The following ADK variants were observed in gnomAD, a reference collection of about 807,000 sequenced individuals.
ADK encodes the protein N6,N6-dimethyladenosine kinase.
Under a neutral mutation model 44.7 loss-of-function variants are expected in ADK, and 24 were observed. That is an observed-to-expected ratio of 0.54 (90% CI 0.39 to 0.76). ADK has a LOEUF of 0.76. ADK is among the 30% of genes least tolerant of loss of function. The pLI, the probability that ADK is intolerant of heterozygous loss-of-function variation, is 0.00. For missense variants in ADK, 321 were observed against 425.1 expected (o/e 0.76, Z 2.15); for synonymous variants, 128 against 142.6 (o/e 0.90, Z 0.73).
At chr10:74,160,371 G>T (rs1042783503) in intron 1 of ADK, among the ~76,000 whole-genome samples, 1 of 152,236 alleles carries the variant, frequency 6.6e-6, no homozygotes, top group East Asian at 1.9e-4. Context: ...TATGACCACA[G>T]AACTGCTTCT....
At chr10:74,608,547 A>G (rs1345232931) in intron 9 of ADK, among the ~76,000 whole-genome samples, 3 of 152,100 alleles carry the variant, frequency 2.0e-5, no homozygotes, top group African/African-American at 4.8e-5. Flanking sequence ...TTGCCTGGGT[A>G]TCACCAGCAG....
At chr10:74,212,261 A>G (rs964608761) in intron 2 of ADK, among the ~76,000 whole-genome samples, 6 of 152,224 alleles carry the variant, frequency 3.9e-5, no homozygotes, top group African/African-American at 1.4e-4. Context: ...AGGAAATGGT[A>G]CTTCTAAGGA....
At chr10:74,507,569 C>A (rs1045677383) in intron 6 of ADK, among the ~76,000 whole-genome samples, 2 of 151,792 alleles carry the variant, frequency 1.3e-5, no homozygotes, top group African/African-American at 4.8e-5. Flanking sequence ...GAGCCGAGAT[C>A]GTGCCACTCC....
intron 6 of ADK, among the ~76,000 whole-genome samples, chr10:74,510,638 G>A (rs939381072): frequency 6.6e-6 from 1 of 152,096 alleles, no homozygotes; most frequent in Non-Finnish European, 1.5e-5. Context: ...TATTTTTCCA[G>A]ATCAATGTCC....
At chr10:74,679,904 G>A (rs1855538895) in intron 10 of ADK, among the ~76,000 whole-genome samples, 1 of 152,112 alleles carries the variant, frequency 6.6e-6, no homozygotes, top group Non-Finnish European at 1.5e-5. Flanking sequence ...GTTGCAGTGA[G>A]CTGGGATGGC....
At chr10:74,601,190 A>G (rs1852105997) in intron 9 of ADK, among the ~76,000 whole-genome samples, 1 of 152,216 alleles carries the variant, frequency 6.6e-6, no homozygotes, top group Admixed American at 6.5e-5. Context: ...TAATATTCAT[A>G]AAATATAAGT....
At chr10:74,580,324 C>G (rs1851331090) in intron 7 of ADK, among the ~76,000 whole-genome samples, 1 of 151,932 alleles carries the variant, frequency 6.6e-6, no homozygotes, top group Non-Finnish European at 1.5e-5. Flanking sequence ...ACCTGTAATC[C>G]CAGCATTTTG....
intron 7 of ADK, among the ~76,000 whole-genome samples, chr10:74,587,642 A>C (rs765549528): frequency 5.9e-5 from 9 of 152,096 alleles, no homozygotes; most frequent in Admixed American, 1.3e-4. Flanking sequence ...CTCACTACTC[A>C]GGCTCAAATC....
At chr10:74,472,341 G>A (rs1280166511) in intron 6 of ADK, among the ~76,000 whole-genome samples, 1 of 152,056 alleles carries the variant, frequency 6.6e-6, no homozygotes, top group Admixed American at 6.6e-5. Context: ...GATTTCCTCT[G>A]TGCCTTTTTT....
intron 4 of ADK, chr10:74,372,022 G>A (rs1842676245): frequency 3.9e-6 from 3 of 773,402 alleles, no homozygotes; most frequent in African/African-American, 3.4e-5. Flanking sequence ...GCCATTCTAT[G>A]CAACAATAAG....
chr10:74,544,603 A>G (rs1399557666), intron 7 of ADK, among the ~76,000 whole-genome samples: 1 of 152,180 alleles, frequency 6.6e-6, no homozygotes. Context: ...AAGGTTGGCC[A>G]CGGTGGCTCA....
intron 6 of ADK, among the ~76,000 whole-genome samples, chr10:74,481,653 A>G (rs979622601): frequency 3.9e-5 from 6 of 152,198 alleles, no homozygotes; most frequent in Non-Finnish European, 5.9e-5. Context: ...CCATTACTAT[A>G]TATTTCTGTT....
chr10:74,173,078 A>G (rs2132059236), intron 1 of ADK, among the ~76,000 whole-genome samples: 1 of 151,946 alleles, frequency 6.6e-6, no homozygotes, highest in Admixed American at 6.5e-5. Context: ...CTGTTTTGGT[A>G]TCAAAATTAG....
chr10:74,543,400 T>C (rs912929590), intron 7 of ADK, among the ~76,000 whole-genome samples: 3 of 152,182 alleles, frequency 2.0e-5, no homozygotes, highest in Non-Finnish European at 4.4e-5. Context: ...TACCATATTT[T>C]ACCCAGTCAC....
intron 9 of ADK, among the ~76,000 whole-genome samples, chr10:74,603,377 AGG>A (rs1852211024): frequency 6.6e-6 from 1 of 152,032 alleles, no homozygotes; most frequent in African/African-American, 2.4e-5. Context: ...CATCTACATT[AGG>A]CATTTCTCCT....
At chr10:74,178,645 G>T (rs1035663495) in intron 1 of ADK, among the ~76,000 whole-genome samples, 1 of 152,140 alleles carries the variant, frequency 6.6e-6, no homozygotes, top group Non-Finnish European at 1.5e-5. Context: ...TACTGTAGGG[G>T]TTGATAGTTT....
chr10:74,656,514 T>G (rs192217727), intron 9 of ADK, among the ~76,000 whole-genome samples: 1 of 152,278 alleles, frequency 6.6e-6, no homozygotes, highest in East Asian at 1.9e-4. Context: ...ACTGCAGCTT[T>G]TGCTGGTGCT....
chr10:74,633,597 G>T (rs1404981858), intron 9 of ADK, among the ~76,000 whole-genome samples: 2 of 152,284 alleles, frequency 1.3e-5, no homozygotes, highest in East Asian at 1.9e-4. Context: ...AGACCCAAAA[G>T]AGTGTATACA....
chr10:74,585,872 A>C (rs958829383), intron 7 of ADK, among the ~76,000 whole-genome samples: 2 of 152,118 alleles, frequency 1.3e-5, no homozygotes, highest in Non-Finnish European at 2.9e-5. Flanking sequence ...TCTCACTTTT[A>C]CTGCAAAGGC....
Sources: allele counts gnomAD v4.1 joint callset (sites outside exome capture counted in the v4.1 genomes callset), GRCh38; gene constraint gnomAD v4.1.1; transcripts MANE v1.5; gene names NCBI Gene and HGNC (gene_info 2026-07-23, HGNC 2026-07-21).